AKAP13: variants seen among roughly 807,000 people sequenced by gnomAD.
The protein encoded by AKAP13 is A-kinase anchoring protein 13, also known as A-kinase anchor protein 13.
Under a neutral mutation model 264.5 loss-of-function variants are expected in AKAP13, and 80 were observed. The ratio of observed to expected loss-of-function variants is 0.30; its 90% CI spans 0.25 to 0.36. The LOEUF (loss-of-function observed/expected upper bound fraction) is 0.36, where lower values mean the gene tolerates loss of function less well. Among genes scored for constraint, AKAP13 ranks in the 10% least tolerant of loss-of-function variants. The pLI is 1.00. For missense variants in AKAP13, 3,712 were observed against 3,435.2 expected (o/e 1.08, Z -2.01); for synonymous variants, 1,380 against 1,250.2 (o/e 1.10, Z -2.19).
intron 10 of AKAP13, among the ~76,000 whole-genome samples, chr15:85,648,496 A>G (rs943503109): frequency 2.0e-5 from 3 of 152,102 alleles, no homozygotes; most frequent in African/African-American, 7.2e-5. Context: ...GCTCATATAA[A>G]TGGCCTGTGC....
chr15:85,523,729 T>A (rs2076915791), intron 3 of AKAP13, among the ~76,000 whole-genome samples: 1 of 152,170 alleles, frequency 6.6e-6, no homozygotes, highest in Non-Finnish European at 1.5e-5. Flanking sequence ...ACATCCAGCT[T>A]CCCAGAAGCT....
intron 17 of AKAP13, among the ~76,000 whole-genome samples, chr15:85,695,410 A>C (rs990792891): frequency 6.6e-6 from 1 of 152,150 alleles, no homozygotes; most frequent in Non-Finnish European, 1.5e-5. Context: ...TCTCAAAAAA[A>C]CACACACAAA....
At chr15:85,693,577 C>G in intron 17 of AKAP13, 126 bp downstream of exon 17, 1 of 1,450,492 alleles carries the variant, frequency 6.9e-7, no homozygotes. Flanking sequence ...CTTTTTATAT[C>G]TTTCTTTAGA....
Position 85,744,787 on chromosome 15 carries a change from G to T in AKAP13, c.*110G>T. 9.6e-7 allele frequency: 1 copy of T among 1,043,480 alleles called. No homozygotes were observed. Among genetic ancestry groups the T allele is most frequent in the African/African-American group, 1.6e-5 (1 of 61,496 alleles). The allele number at this position is 1,043,480 out of a possible 1,614,324, so 64.6% of individuals were successfully genotyped here. On this transcript the variant is annotated 3_prime_UTR_variant, in exon 37 of 37. Transcript: ENST00000394518. The stretch of plus-strand genomic sequence containing the variant: ...CACTGGACGCCCACTGCTCCTCAGC[G>T]TCCAGTCCTCCTGGGCGGCCCCAGG...
At chr15:85,459,216 C>T (rs1427364154) in intron 1 of AKAP13, among the ~76,000 whole-genome samples, 1 of 152,190 alleles carries the variant, frequency 6.6e-6, no homozygotes, top group Non-Finnish European at 1.5e-5. Flanking sequence ...TCCTTCGTCT[C>T]ACTCTGTCAC....
At chr15:85,645,111 A>T (rs1014478672) in intron 9 of AKAP13, among the ~76,000 whole-genome samples, 1 of 152,182 alleles carries the variant, frequency 6.6e-6, no homozygotes, top group East Asian at 1.9e-4. Flanking sequence ...CAGAACGAGA[A>T]CTTGTCTCAA....
intron 5 of AKAP13, among the ~76,000 whole-genome samples, chr15:85,552,834 T>C (rs377162888): frequency 1.7e-4 from 26 of 151,916 alleles, no homozygotes; most frequent in Admixed American, 9.8e-4. Flanking sequence ...CCAGGATGGA[T>C]TTATCATAGT....
chr15:85,412,772 T>G (rs572043291), intron 1 of AKAP13, among the ~76,000 whole-genome samples: 1 of 152,330 alleles, frequency 6.6e-6, no homozygotes, highest in South Asian at 2.1e-4. Context: ...TTTGAAAATC[T>G]TTATAGAAAC....
chr15:85,480,700 T>G (rs1163626201), intron 1 of AKAP13, among the ~76,000 whole-genome samples: 1 of 152,114 alleles, frequency 6.6e-6, no homozygotes, highest in African/African-American at 2.4e-5. Context: ...TTCTTATTTT[T>G]TTTTGAGACA....
intron 1 of AKAP13, among the ~76,000 whole-genome samples, chr15:85,411,984 T>C (rs1325909329): frequency 6.6e-6 from 1 of 152,228 alleles, no homozygotes; most frequent in East Asian, 1.9e-4. Flanking sequence ...AAAAGCTTTA[T>C]GAGTAAAGTA....
chr15:85,628,382 T>C (rs571233223), intron 8 of AKAP13, among the ~76,000 whole-genome samples: 3 of 152,282 alleles, frequency 2.0e-5, no homozygotes, highest in East Asian at 1.9e-4. Flanking sequence ...GACAGCAAGA[T>C]AGTGTTAAGA....
intron 5 of AKAP13, among the ~76,000 whole-genome samples, chr15:85,556,615 C>T (rs1567122939): frequency 2.0e-5 from 3 of 152,206 alleles, no homozygotes; most frequent in Non-Finnish European, 4.4e-5. Flanking sequence ...AAATCTGAAC[C>T]TGGTGCAACT....
chr15:85,634,081 A>G (rs1165357806), intron 8 of AKAP13, among the ~76,000 whole-genome samples: 1 of 152,198 alleles, frequency 6.6e-6, no homozygotes, highest in Non-Finnish European at 1.5e-5. Flanking sequence ...TGAAACCTTG[A>G]TGGCCCCTGA....
At chr15:85,490,376 A>T (rs2075687632) in intron 2 of AKAP13, among the ~76,000 whole-genome samples, 1 of 152,250 alleles carries the variant, frequency 6.6e-6, no homozygotes, top group Non-Finnish European at 1.5e-5. Flanking sequence ...AAATAAAGTC[A>T]CATGGGTATC....
chr15:85,570,396 T>C (rs1033518782), intron 5 of AKAP13, among the ~76,000 whole-genome samples: 4 of 151,954 alleles, frequency 2.6e-5, no homozygotes, highest in African/African-American at 9.7e-5. Flanking sequence ...AGGTTGCAGT[T>C]AGCCGAGATC....
rs1398594958 is a variant in AKAP13, at chr15:85,605,519, A to G, written c.4161+19696A>G. Among the ~76,000 whole-genome samples, 3 of 152,312 alleles carry G rather than the reference A, an allele frequency of 2.0e-5. No homozygotes were observed. The East Asian group carries it at 5.8e-4, about 29-fold the overall frequency. On this transcript the variant is annotated intron_variant, in intron 8 of 36. Coordinates refer to ENST00000394518, the MANE Select transcript of AKAP13 (RefSeq NM_007200.5). ...AAGCATCAGGATAAATAGCTGATGC[A>G]TTGCTGGGCTTAATACCTGGGTTGA...
chr15:85,421,452 G>T (rs1229038795), intron 1 of AKAP13, among the ~76,000 whole-genome samples: 1 of 152,350 alleles, frequency 6.6e-6, no homozygotes, highest in Admixed American at 6.5e-5. Flanking sequence ...GCTTGAATTA[G>T]AGCACAGGAA....
chr15:85,677,991 A>G (rs2084347904), intron 14 of AKAP13, among the ~76,000 whole-genome samples: 1 of 151,906 alleles, frequency 6.6e-6, no homozygotes, highest in African/African-American at 2.4e-5. Context: ...TCTCCTTTTG[A>G]ACTTTTATTT....
intron 5 of AKAP13, among the ~76,000 whole-genome samples, chr15:85,568,114 A>T (rs1394441742): frequency 1.3e-5 from 2 of 152,112 alleles, no homozygotes; most frequent in Admixed American, 6.6e-5. Flanking sequence ...CAGCCTGGGC[A>T]ACATGACAAA....
Sources: gnomAD v4.1 joint callset for allele counts (sites outside exome capture counted in the v4.1 genomes callset) on GRCh38, gnomAD v4.1.1 for gene constraint, MANE v1.5 for transcripts, NCBI Gene and HGNC (gene_info 2026-07-23, HGNC 2026-07-21) for gene names.